Variants in LRRC28 observed in about 807,000 individuals in gnomAD.
LRRC28 encodes leucine rich repeat containing 28.
LRRC28 carries 39 observed loss-of-function variants against 45.7 expected under a neutral mutation model. That is an observed-to-expected ratio of 0.85 (90% confidence interval 0.66 to 1.12). LRRC28 has a LOEUF of 1.12. Ranked by LOEUF, LRRC28 falls within the 50% of genes most tolerant of loss-of-function variation. The pLI, the probability that LRRC28 is intolerant of heterozygous loss-of-function variation, is 0.00. For missense variants in LRRC28, 435 were observed against 438.5 expected (o/e 0.99, Z 0.07); for synonymous variants, 206 against 178.8 (o/e 1.15, Z -1.22).
chr15:99,259,246 C>A, intron 2 of LRRC28: 1 of 1,053,910 alleles, frequency 9.5e-7, no homozygotes, highest in Non-Finnish European at 1.5e-6. Context: ...TGGCTGGGTC[C>A]AGCAGAAAAG....
At chr15:99,381,046 T>C (rs1028040159) in intron 9 of LRRC28, among the ~76,000 whole-genome samples, 2 of 152,230 alleles carry the variant, frequency 1.3e-5, no homozygotes, top group African/African-American at 2.4e-5. Flanking sequence ...CTTTGTGGTG[T>C]TCTCTGTATT....
intron 5 of LRRC28, among the ~76,000 whole-genome samples, chr15:99,315,383 A>G (rs991964021): frequency 3.3e-5 from 5 of 152,162 alleles, no homozygotes; most frequent in Non-Finnish European, 5.9e-5. Context: ...CATTAACCAA[A>G]TGAACTTTCT....
intron 9 of LRRC28, among the ~76,000 whole-genome samples, chr15:99,370,493 A>G (rs1957455321): frequency 6.6e-6 from 1 of 152,092 alleles, no homozygotes; most frequent in Non-Finnish European, 1.5e-5. Flanking sequence ...GAAGGGGGGA[A>G]TGTGGAGTTA....
intron 5 of LRRC28, among the ~76,000 whole-genome samples, chr15:99,297,012 T>C (rs938055004): frequency 5.3e-5 from 8 of 151,982 alleles, no homozygotes; most frequent in Non-Finnish European, 1.0e-4. Context: ...GAATAAATTA[T>C]CTGCCAGATA....
intron 9 of LRRC28, among the ~76,000 whole-genome samples, chr15:99,382,561 A>G (rs1957861492): frequency 6.6e-6 from 1 of 152,112 alleles, no homozygotes; most frequent in South Asian, 2.1e-4. Context: ...GCTATCTTTT[A>G]TTGATTTCTA....
At chr15:99,374,273 T>A (rs1957563449) in intron 9 of LRRC28, among the ~76,000 whole-genome samples, 1 of 152,268 alleles carries the variant, frequency 6.6e-6, no homozygotes, top group Admixed American at 6.5e-5. Context: ...ACTTCTTTCG[T>A]CAGCATCTTA....
intron 7 of LRRC28, 94 bp downstream of exon 7, chr15:99,352,565 C>T (rs1393688219): frequency 3.8e-5 from 36 of 946,402 alleles, no homozygotes; most frequent in Admixed American, 1.3e-4. Flanking sequence ...ATATGCTAAA[C>T]CAGGTATCCT....
At chr15:99,303,525 C>T (rs1597292536) in intron 5 of LRRC28, among the ~76,000 whole-genome samples, 1 of 152,114 alleles carries the variant, frequency 6.6e-6, no homozygotes, top group East Asian at 1.9e-4. Context: ...AGAACACACA[C>T]ATTCATAGAT....
intron 4 of LRRC28, among the ~76,000 whole-genome samples, 153 bp downstream of exon 4, chr15:99,287,447 A>G (rs1299877570): frequency 6.6e-6 from 1 of 152,196 alleles, no homozygotes. Flanking sequence ...AATTAAATAA[A>G]TCTAAAATGG....
At chr15:99,369,492 T>A (rs967305551) in intron 9 of LRRC28, among the ~76,000 whole-genome samples, 1 of 152,130 alleles carries the variant, frequency 6.6e-6, no homozygotes, top group Non-Finnish European at 1.5e-5. Context: ...GAAGTTGCAG[T>A]GTTGAGTCTG....
At chr15:99,361,783 G>A (rs58762669) in intron 8 of LRRC28, among the ~76,000 whole-genome samples, 22,764 of 152,136 alleles carry the variant, frequency 0.15, 1,746 homozygotes, top group Non-Finnish European at 0.17. Context: ...GCACAGAGAA[G>A]CATTCTTAAA....
intron 5 of LRRC28, among the ~76,000 whole-genome samples, chr15:99,318,559 CTT>C (rs541741758): frequency 7.6e-4 from 115 of 151,732 alleles, no homozygotes; most frequent in Non-Finnish European, 1.4e-3. Context: ...ATTTTTGAGT[CTT>C]TTTTTTCACT....
chr15:99,333,667 C>T (rs911475304), intron 5 of LRRC28: 1 of 518,110 alleles, frequency 1.9e-6, no homozygotes, highest in Non-Finnish European at 3.5e-6. Flanking sequence ...TCAGACTCAC[C>T]ACTTTGTGTC....
intron 2 of LRRC28, among the ~76,000 whole-genome samples, chr15:99,266,480 A>AG (rs1338433942): frequency 6.6e-6 from 1 of 152,176 alleles, no homozygotes; most frequent in African/African-American, 2.4e-5. Context: ...CTAAAAAAAA[A>AG]AAAATTAACA....
At chr15:99,355,765 A>G (rs1358250481) in intron 7 of LRRC28, 1 of 151,588 alleles carries the variant, frequency 6.6e-6, no homozygotes, top group Non-Finnish European at 1.5e-5. Context: ...CCAAGCCACT[A>G]CTTTGCTTTT....
At chr15:99,254,214 A>G (rs2080948819) in intron 1 of LRRC28, among the ~76,000 whole-genome samples, 1 of 152,246 alleles carries the variant, frequency 6.6e-6, no homozygotes, top group African/African-American at 2.4e-5. Flanking sequence ...ACAAAGTCAC[A>G]TTAATATATC....
At chr15:99,328,118 T>C (rs1462614153) in intron 5 of LRRC28, among the ~76,000 whole-genome samples, 1 of 152,240 alleles carries the variant, frequency 6.6e-6, no homozygotes, top group Non-Finnish European at 1.5e-5. Context: ...CTTAATAGTC[T>C]AGCATGTGGT....
chr15:99,272,707 A>G lies in LRRC28; in HGVS notation c.169-3869A>G, dbSNP rs73471382. Reference sequence around the variant, plus strand: ...GTTGTTTAGCTAGATAATAATGTAAATGAGATTTAATGAAGAGAATCCTTG... The same window carrying G: ...GTTGTTTAGCTAGATAATAATGTAAGTGAGATTTAATGAAGAGAATCCTTG... On this transcript the variant is annotated intron_variant, in intron 2 of 9. Coordinates refer to ENST00000301981, the MANE Select transcript of LRRC28 (RefSeq NM_144598.5). Among the ~76,000 whole-genome samples, 1,343 of 152,344 alleles carry G rather than the reference A, an allele frequency of 8.8e-3. 19 individuals are homozygous for G. The highest frequency in any genetic ancestry group is 0.031 in the African/African-American group (1,284 of 41,572).
intron 9 of LRRC28, among the ~76,000 whole-genome samples, chr15:99,366,184 A>C (rs1215015542): frequency 1.3e-5 from 2 of 152,296 alleles, no homozygotes; most frequent in East Asian, 1.9e-4. Context: ...CTGGAAGTCC[A>C]AGATCAAGGT....
Sources: allele counts gnomAD v4.1 joint callset (sites outside exome capture counted in the v4.1 genomes callset), GRCh38; gene constraint gnomAD v4.1.1; transcripts MANE v1.5; gene names NCBI Gene and HGNC (gene_info 2026-07-23, HGNC 2026-07-21).